The following ZNF430 variants were observed in gnomAD, a reference collection of about 807,000 sequenced individuals.
ZNF430 encodes zinc finger protein 430.
Under a neutral mutation model 56.7 loss-of-function variants are expected in ZNF430, and 35 were observed. The observed-to-expected ratio is 0.62, with a 90% CI of 0.47 to 0.82. The LOEUF (loss-of-function observed/expected upper bound fraction) is 0.82. Among genes scored for constraint, ZNF430 ranks in the 40% least tolerant of loss-of-function variants. The pLI is 0.00. For synonymous variants in ZNF430, 212 were observed against 224.3 expected (o/e 0.94, Z 0.49); for missense variants, 574 against 661.0 (o/e 0.87, Z 1.44).
chr19:21,037,546 A>G (rs1023198955), intron 4 of ZNF430, among the ~76,000 whole-genome samples: 1 of 152,240 alleles, frequency 6.6e-6, no homozygotes, highest in Admixed American at 6.5e-5. Flanking sequence ...TACAATAAAC[A>G]TGGATGTTCA....
chr19:21,050,724 A>G (rs994080807), intron 4 of ZNF430, among the ~76,000 whole-genome samples: 6 of 152,176 alleles, frequency 3.9e-5, no homozygotes, highest in African/African-American at 1.4e-4. Flanking sequence ...TTATTATCAA[A>G]CATTTTAAAA....
chr19:21,057,141 C>T lies in ZNF430; in HGVS notation c.833C>T (p.Thr278Ile). ...TTTAAGCAGTCCTCAACCCTTACTA[C>T]ACATAAGATAATTCATACTGGAGAG... ...KAFKQSSTLT[T>I]HKIIHTGEKP... is the part of the protein sequence containing the mutation. The change falls in exon 5 of 5, where the codon ACA becomes ATA. Residue 278 changes from threonine (T) to isoleucine (I), a missense_variant. Transcript: ENST00000261560. The T allele has an allele frequency of 6.2e-7, 1 of 1,613,664 alleles. No homozygotes were observed. The highest frequency in any genetic ancestry group is 8.5e-7 in the Non-Finnish European group (1 of 1,179,934).
At chr19:21,043,792 T>C (rs934858860) in intron 4 of ZNF430, among the ~76,000 whole-genome samples, 29 of 152,180 alleles carry the variant, frequency 1.9e-4, no homozygotes, top group Non-Finnish European at 4.3e-4. Flanking sequence ...TGTGTTTTCC[T>C]TAAAGAGGTC....
At chr19:21,038,273 T>C (rs1448092303) in intron 4 of ZNF430, among the ~76,000 whole-genome samples, 1 of 152,202 alleles carries the variant, frequency 6.6e-6, no homozygotes, top group African/African-American at 2.4e-5. Context: ...GTTTTTAACA[T>C]TGTTTTTTAA....
chr19:21,059,687 A>G lies in ZNF430; in HGVS notation c.*1666A>G, dbSNP rs1480587706. 1 of 152,170 alleles carries G rather than the reference A, an allele frequency of 6.6e-6. No individual in the cohort carries two copies. Among genetic ancestry groups the G allele is most frequent in the Non-Finnish European group, 1.5e-5 (1 of 68,026 alleles). The allele number at this position is 152,170 out of a possible 1,614,324, so 9.4% of individuals were successfully genotyped here. On this transcript the variant is annotated 3_prime_UTR_variant, in exon 5 of 5. Transcript: ENST00000261560. Reference sequence around the variant, plus strand: ...AAAAATTACAGATTTTTTGTAAATAATGATGTAATTCAACTCTCAAAATAT... The same window carrying G: ...AAAAATTACAGATTTTTTGTAAATAGTGATGTAATTCAACTCTCAAAATAT...
chr19:21,043,523 C>T (rs1023348496), intron 4 of ZNF430, among the ~76,000 whole-genome samples: 1 of 152,076 alleles, frequency 6.6e-6, no homozygotes, highest in South Asian at 2.1e-4. Flanking sequence ...TTACTATAGC[C>T]TTGTGGTGTA....
intron 4 of ZNF430, among the ~76,000 whole-genome samples, chr19:21,039,627 C>T (rs1004605636): frequency 5.3e-5 from 8 of 151,582 alleles, no homozygotes; most frequent in South Asian, 2.1e-4. Context: ...CCATTATGCC[C>T]GGCTAATTTT....
At chr19:21,033,269 G>A (rs567463874) in intron 2 of ZNF430, among the ~76,000 whole-genome samples, 187 bp from the exon 3 acceptor site, 12 of 151,848 alleles carry the variant, frequency 7.9e-5, no homozygotes, top group Non-Finnish European at 1.3e-4. Context: ...CAGGAGAATC[G>A]CTTGACGCCG....
In ZNF430 at chr19:21,020,868, C is replaced by T; in HGVS notation, c.3+65C>T. ...GCTGGTTGTAATGGGTGGGAAGTGG[C>T]TGTGGCGGGACTCAGGCCTCCCGGC... On this transcript the variant is annotated intron_variant, in intron 1 of 4. Coordinates refer to ENST00000261560, the MANE Select transcript of ZNF430 (RefSeq NM_025189.4). 1.9e-6 allele frequency: 3 copies of T among 1,608,380 alleles called. No homozygotes were observed. In the South Asian group the frequency reaches 3.3e-5, roughly 18 times the overall value.
chr19:21,059,516 C>G lies in ZNF430; in HGVS notation c.*1495C>G, dbSNP rs1729473659. 7.1e-6 allele frequency: 1 copy of G among 141,612 alleles called. No individual in the cohort carries two copies. Among genetic ancestry groups the G allele is most frequent in the Admixed American group, 7.5e-5 (1 of 13,404 alleles). The allele number at this position is 141,612 out of a possible 1,614,324, so 8.8% of individuals were successfully genotyped here. Reference sequence around the variant, plus strand: ...TGAAATTGCGCCATTGCACTCCAGCCTGGGCAACAAGAGTGAAACTCCATT... The same window carrying G: ...TGAAATTGCGCCATTGCACTCCAGCGTGGGCAACAAGAGTGAAACTCCATT... On this transcript the variant is annotated 3_prime_UTR_variant, in exon 5 of 5. Coordinates refer to ENST00000261560, the MANE Select transcript of ZNF430 (RefSeq NM_025189.4).
At chr19:21,022,476 A>G (rs1218971972) in intron 1 of ZNF430, among the ~76,000 whole-genome samples, 1 of 152,216 alleles carries the variant, frequency 6.6e-6, no homozygotes, top group Non-Finnish European at 1.5e-5. Context: ...TGCTTTTAAT[A>G]AGATTTGTTA....
At position 21,057,153 on chromosome 19, in the gene ZNF430, T is replaced by C. The variant is rs749561589; in HGVS notation, c.845T>C (p.Ile282Thr). ...TCAACCCTTACTACACATAAGATAA[T>C]TCATACTGGAGAGAAACCCTACAGA... ...QSSTLTTHKIIHTGEKPYRCE... is the reference protein window; with the variant it reads ...QSSTLTTHKITHTGEKPYRCE... The change falls in exon 5 of 5, where the codon ATT (isoleucine) becomes ACT (threonine). Residue 282 changes from isoleucine (I) to threonine (T), a missense_variant. Coordinates refer to ENST00000261560, the MANE Select transcript of ZNF430 (RefSeq NM_025189.4). 6.2e-7 allele frequency: 1 copy of C among 1,613,944 alleles called. No individual in the cohort carries two copies. The highest frequency in any genetic ancestry group is 1.1e-5 in the South Asian group (1 of 91,056).
chr19:21,025,161 A>T (rs1967768916), intron 2 of ZNF430, among the ~76,000 whole-genome samples: 1 of 152,238 alleles, frequency 6.6e-6, no homozygotes, highest in Admixed American at 6.5e-5. Flanking sequence ...GGCTTACTCT[A>T]TAGGCAGAGC....
chr19:21,025,623 G>C (rs974911585), intron 2 of ZNF430, among the ~76,000 whole-genome samples: 6 of 151,732 alleles, frequency 4.0e-5, no homozygotes, highest in Non-Finnish European at 8.8e-5. Flanking sequence ...GTCTCACTCT[G>C]TTGCCCAGGC....
At chr19:21,022,725 C>T (rs7252588) in intron 1 of ZNF430, 64 bp from the exon 2 acceptor site, 698,325 of 1,189,078 alleles carry the variant, frequency 0.59, 212,000 homozygotes, top group East Asian at 0.74. Context: ...CCAAGATATC[C>T]GCCATGGTTA....
intron 2 of ZNF430, among the ~76,000 whole-genome samples, chr19:21,027,494 G>T (rs970481721): frequency 6.6e-6 from 1 of 152,122 alleles, no homozygotes; most frequent in Non-Finnish European, 1.5e-5. Context: ...CAGCCTACTT[G>T]ATTATAGTGG....
chr19:21,044,991 T>G (rs1023826427), intron 4 of ZNF430, among the ~76,000 whole-genome samples: 15 of 152,062 alleles, frequency 9.9e-5, no homozygotes, highest in African/African-American at 3.6e-4. Context: ...CTCTAGTTAG[T>G]GTTCTATTTT....
Position 21,027,963 on chromosome 19 carries a change from C to T in ZNF430, c.96+5082C>T, listed in dbSNP as rs532772875. 3.3e-5 allele frequency among the ~76,000 whole-genome samples: 5 copies of T among 152,280 alleles called. No homozygotes were observed. The East Asian group carries it at 9.6e-4, about 29-fold the overall frequency. Reference sequence around the variant, plus strand: ...CCTCAGCTTTTTCCTTTTAGGTAGTCATATCACGTAGAATGAGCTAGAGCA... The same window carrying T: ...CCTCAGCTTTTTCCTTTTAGGTAGTTATATCACGTAGAATGAGCTAGAGCA... On this transcript the variant is annotated intron_variant, in intron 2 of 4. Coordinates refer to ENST00000261560, the MANE Select transcript of ZNF430 (RefSeq NM_025189.4).
intron 4 of ZNF430, among the ~76,000 whole-genome samples, chr19:21,043,590 T>C (rs1405764029): frequency 2.6e-5 from 4 of 152,232 alleles, no homozygotes; most frequent in African/African-American, 9.7e-5. Context: ...TAGAATTTTC[T>C]TGGCTATATG....
Sources: allele counts gnomAD v4.1 joint callset (sites outside exome capture counted in the v4.1 genomes callset), GRCh38; gene constraint gnomAD v4.1.1; transcripts MANE v1.5; gene names NCBI Gene and HGNC (gene_info 2026-07-23, HGNC 2026-07-21).